Variants in BRINP3 observed in about 807,000 individuals in gnomAD.
BRINP3 encodes BMP/retinoic acid-inducible neural-specific protein 3.
Under a neutral mutation model 71.0 loss-of-function variants are expected in BRINP3, and 19 were observed. The ratio of observed to expected loss-of-function variants is 0.27; its 90% confidence interval spans 0.19 to 0.39. The LOEUF (loss-of-function observed/expected upper bound fraction) is 0.39, where lower values mean the gene tolerates loss of function less well. Ranked by LOEUF, BRINP3 falls within the 10% of genes least tolerant of loss-of-function variation. The probability of loss-of-function intolerance (pLI) is 1.00; values close to 1 mark genes in which losing one functional copy is unlikely to be tolerated. For synonymous variants in BRINP3, 380 were observed against 337.7 expected (o/e 1.13, Z -1.37); for missense variants, 959 against 940.8 (o/e 1.02, Z -0.25).
chr1:190,381,263 C>T (rs576359923), intron 2 of BRINP3, among the ~76,000 whole-genome samples: 1 of 152,078 alleles, frequency 6.6e-6, no homozygotes, highest in African/African-American at 2.4e-5. Context: ...TGACCTTTCC[C>T]TCCACCAAAA....
intron 2 of BRINP3, among the ~76,000 whole-genome samples, chr1:190,348,860 A>G (rs1386103772): frequency 6.6e-6 from 1 of 152,172 alleles, no homozygotes; most frequent in Non-Finnish European, 1.5e-5. Context: ...AATCCAGTGT[A>G]AAATTCACTG....
intron 3 of BRINP3, among the ~76,000 whole-genome samples, chr1:190,277,532 A>G (rs1662689574): frequency 6.6e-6 from 1 of 151,716 alleles, no homozygotes; most frequent in South Asian, 2.1e-4. Context: ...TATGTTCCTT[A>G]GTGTTTTGTC....
At chr1:190,470,717 A>G (rs1035193849) in intron 1 of BRINP3, among the ~76,000 whole-genome samples, 1 of 151,130 alleles carries the variant, frequency 6.6e-6, no homozygotes, top group African/African-American at 2.4e-5. Context: ...CACCATCTCA[A>G]TTGATACAAT....
At chr1:190,337,171 A>G (rs1667344654) in intron 2 of BRINP3, among the ~76,000 whole-genome samples, 1 of 151,908 alleles carries the variant, frequency 6.6e-6, no homozygotes, top group South Asian at 2.1e-4. Context: ...ATCAAAGGAA[A>G]CCCAATTTTC....
At chr1:190,342,349 C>T (rs1049495872) in intron 2 of BRINP3, 2 of 128,948 alleles carry the variant, frequency 1.6e-5, no homozygotes, top group African/African-American at 5.9e-5. Context: ...ATTCTGCTTA[C>T]ATATTCATGG....
rs1242632339 is a variant in BRINP3, at chr1:190,320,545, T to C, written c.237-38795A>G. Among the ~76,000 whole-genome samples, 4 of 152,094 alleles carry C rather than the reference T, an allele frequency of 2.6e-5. No individual in the cohort carries two copies. In the East Asian group the frequency reaches 7.7e-4, roughly 29 times the overall value. On this transcript the variant is annotated intron_variant, in intron 2 of 7. Coordinates refer to ENST00000367462, the MANE Select transcript of BRINP3 (RefSeq NM_199051.3). Reference sequence around the variant, plus strand: ...TGTATTTATTCATTCATTCATTCATTTTCTAACTCACTTATTCCTATTTAG... The same window carrying C: ...TGTATTTATTCATTCATTCATTCATCTTCTAACTCACTTATTCCTATTTAG...
chr1:190,279,736 C>T (rs1304932039), intron 3 of BRINP3, among the ~76,000 whole-genome samples: 1 of 151,866 alleles, frequency 6.6e-6, no homozygotes, highest in Non-Finnish European at 1.5e-5. Context: ...TCCTTATCTA[C>T]TCTTACTTGG....
intron 2 of BRINP3, among the ~76,000 whole-genome samples, chr1:190,428,824 CA>C (rs1673899141): frequency 6.6e-6 from 1 of 151,928 alleles, no homozygotes; most frequent in Non-Finnish European, 1.5e-5. Flanking sequence ...ACTAATAAAA[CA>C]AATGCATATT....
chr1:190,183,651 C>G (rs1335417223), intron 6 of BRINP3, among the ~76,000 whole-genome samples: 2 of 152,124 alleles, frequency 1.3e-5, no homozygotes, highest in African/African-American at 2.4e-5. Context: ...TCCACTGATA[C>G]TGCTGGGGTT....
At chr1:190,304,057 A>C (rs1306044727) in intron 2 of BRINP3, among the ~76,000 whole-genome samples, 2 of 151,830 alleles carry the variant, frequency 1.3e-5, no homozygotes, top group Non-Finnish European at 3.0e-5. Flanking sequence ...TGGAAACCTG[A>C]AGAAAGTAAG....
At chr1:190,445,813 G>T (rs1322126139) in intron 2 of BRINP3, among the ~76,000 whole-genome samples, 1 of 152,130 alleles carries the variant, frequency 6.6e-6, no homozygotes, top group Admixed American at 6.6e-5. Flanking sequence ...AAGAATTAGA[G>T]TGCTTGGCAA....
chr1:190,423,655 T>C (rs1673521135), intron 2 of BRINP3, among the ~76,000 whole-genome samples: 2 of 151,826 alleles, frequency 1.3e-5, no homozygotes, highest in African/African-American at 4.8e-5. Flanking sequence ...TAAAGTGTTA[T>C]GAAAGAATGA....
intron 2 of BRINP3, among the ~76,000 whole-genome samples, chr1:190,317,953 T>G (rs1430673877): frequency 6.6e-6 from 1 of 152,128 alleles, no homozygotes; most frequent in East Asian, 1.9e-4. Flanking sequence ...GCAAAATTCG[T>G]GTGTAAGCAT....
rs866135585 is a variant in BRINP3, at chr1:190,438,626, C to T, written c.236+16029G>A. ...CCACTGGATAATTTTCACAAAGGTT[C>T]CCCCTTTAGAAAATTTTGATATACA... On this transcript the variant is annotated intron_variant, in intron 2 of 7. Transcript: ENST00000367462. Among the ~76,000 whole-genome samples the T allele has an allele frequency of 4.7e-4, 71 of 151,850 alleles. 1 individual carries two copies. Among genetic ancestry groups the T allele is most frequent in the South Asian group, 2.3e-3 (11 of 4,822 alleles).
At chr1:190,382,419 T>C (rs1004128294) in intron 2 of BRINP3, among the ~76,000 whole-genome samples, 2 of 152,166 alleles carry the variant, frequency 1.3e-5, no homozygotes, top group Non-Finnish European at 2.9e-5. Context: ...ACTCATTTAA[T>C]GAGTCTTAGC....
At chr1:190,290,820 T>C (rs1308831199) in intron 2 of BRINP3, among the ~76,000 whole-genome samples, 2 of 152,004 alleles carry the variant, frequency 1.3e-5, no homozygotes, top group Admixed American at 6.6e-5. Context: ...CTTAATGACA[T>C]TAACTCATTT....
At chr1:190,402,638 T>G (rs766864406) in intron 2 of BRINP3, among the ~76,000 whole-genome samples, 9 of 152,202 alleles carry the variant, frequency 5.9e-5, no homozygotes, top group African/African-American at 9.6e-5. Context: ...AAAAAATATA[T>G]AGAGTTCAAT....
At chr1:190,330,568 T>C (rs1441725932) in intron 2 of BRINP3, among the ~76,000 whole-genome samples, 1 of 151,928 alleles carries the variant, frequency 6.6e-6, no homozygotes, top group Non-Finnish European at 1.5e-5. Context: ...GGAAAGCAGT[T>C]TGGATAGTTC....
chr1:190,421,746 G>A (rs1673402876), intron 2 of BRINP3, among the ~76,000 whole-genome samples: 1 of 151,708 alleles, frequency 6.6e-6, no homozygotes. Context: ...TTAACTTCAC[G>A]AGTTCATTTC....
Sources: allele counts gnomAD v4.1 joint callset (sites outside exome capture counted in the v4.1 genomes callset), GRCh38; gene constraint gnomAD v4.1.1; transcripts MANE v1.5; gene names NCBI Gene and HGNC (gene_info 2026-07-23, HGNC 2026-07-21).